The following NRG1 variants were observed in gnomAD, a reference collection of about 807,000 sequenced individuals.
The protein encoded by NRG1 is pro-neuregulin-1, membrane-bound isoform.
In NRG1, 18 loss-of-function variants were observed where a neutral mutation model predicts 63.8. The ratio of observed to expected loss-of-function variants is 0.28; its 90% CI spans 0.19 to 0.42. NRG1 has a LOEUF of 0.42. Among genes scored for constraint, NRG1 ranks in the 10% least tolerant of loss-of-function variants. NRG1 has a pLI of 1.00. For missense variants in NRG1, 762 were observed against 814.7 expected, an observed-to-expected ratio of 0.94 and a Z score of 0.79; for synonymous variants, 302 against 301.3, an observed-to-expected ratio of 1.00 and a Z score of -0.02.
chr8:31,887,818 A>G (rs1242763851), intron 1 of NRG1, among the ~76,000 whole-genome samples: 1 of 152,054 alleles, frequency 6.6e-6, no homozygotes, highest in African/African-American at 2.4e-5. Context: ...TTAAATTACA[A>G]TATACAGAAT....
chr8:32,427,117 G>T (rs913994327), intron 1 of NRG1, among the ~76,000 whole-genome samples: 4 of 151,680 alleles, frequency 2.6e-5, no homozygotes, highest in Admixed American at 2.6e-4. Context: ...ATCCAGAATT[G>T]TAAGTCATCA....
At chr8:32,517,806 G>C (rs1304779868) in intron 1 of NRG1, among the ~76,000 whole-genome samples, 1 of 152,092 alleles carries the variant, frequency 6.6e-6, no homozygotes, top group Non-Finnish European at 1.5e-5. Context: ...TCTTTAATTT[G>C]CAGTACTTTC....
intron 1 of NRG1, among the ~76,000 whole-genome samples, chr8:31,714,819 T>G (rs1299177999): frequency 1.3e-5 from 2 of 152,158 alleles, no homozygotes; most frequent in Admixed American, 6.6e-5. Context: ...TTTGCAAAAC[T>G]GACATCCATA....
At chr8:32,457,113 C>T (rs942070373) in intron 1 of NRG1, among the ~76,000 whole-genome samples, 14 of 152,172 alleles carry the variant, frequency 9.2e-5, no homozygotes, top group Middle Eastern at 3.4e-3. Flanking sequence ...GCCTAAGTGA[C>T]GGAGTGAGAC....
chr8:31,799,741 C>T (rs746426798), intron 1 of NRG1, among the ~76,000 whole-genome samples: 2 of 151,852 alleles, frequency 1.3e-5, no homozygotes, highest in Middle Eastern at 3.2e-3. Flanking sequence ...GATATATGTA[C>T]GCCTGTATAT....
intron 1 of NRG1, among the ~76,000 whole-genome samples, chr8:31,844,414 C>T (rs1037003879): frequency 3.3e-5 from 5 of 152,154 alleles, no homozygotes; most frequent in African/African-American, 4.8e-5. Flanking sequence ...TTGCTTCCTT[C>T]ATTATAAAAT....
At chr8:32,211,479 C>T (rs1844698466) in intron 1 of NRG1, among the ~76,000 whole-genome samples, 1 of 152,128 alleles carries the variant, frequency 6.6e-6, no homozygotes, top group Non-Finnish European at 1.5e-5. Flanking sequence ...TAATAGACAT[C>T]ATCATTATCC....
chr8:31,940,496 G>C (rs1418462168), intron 1 of NRG1, among the ~76,000 whole-genome samples: 1 of 151,838 alleles, frequency 6.6e-6, no homozygotes, highest in Admixed American at 6.6e-5. Flanking sequence ...CATGGAACTA[G>C]AGAAAAAAGA....
At chr8:31,907,901 T>G (rs1832657453) in intron 1 of NRG1, among the ~76,000 whole-genome samples, 1 of 152,166 alleles carries the variant, frequency 6.6e-6, no homozygotes, top group African/African-American at 2.4e-5. Flanking sequence ...ACTGTATGCC[T>G]TCTTCTTTTT....
intron 1 of NRG1, among the ~76,000 whole-genome samples, chr8:31,789,922 A>C (rs546894840): frequency 1.3e-5 from 2 of 152,338 alleles, no homozygotes; most frequent in South Asian, 2.1e-4. Context: ...AAACAGATTA[A>C]TATCATTTTA....
In NRG1 at chr8:32,088,946, A is replaced by G. The variant is rs76147535; in HGVS notation, c.37+449515A>G. Among the ~76,000 whole-genome samples, 41 of 152,270 alleles carry G rather than the reference A, an allele frequency of 2.7e-4. No individual in the cohort carries two copies. In the East Asian group the frequency reaches 7.1e-3, roughly 27 times the overall value. Reference sequence around the variant, plus strand: ...TCAAGTATTTTAAAGCCTGCTTCACATTTCTTGTTACTAAGCTGCACTGCC... The same window carrying G: ...TCAAGTATTTTAAAGCCTGCTTCACGTTTCTTGTTACTAAGCTGCACTGCC... On this transcript the variant is annotated intron_variant, in intron 1 of 10. Transcript: ENST00000519301.
chr8:31,865,836 G>A (rs533215751), intron 1 of NRG1, among the ~76,000 whole-genome samples: 1 of 152,258 alleles, frequency 6.6e-6, no homozygotes, highest in African/African-American at 2.4e-5. Flanking sequence ...TTGGAAAAAT[G>A]ATTTGTTTAG....
intron 1 of NRG1, among the ~76,000 whole-genome samples, chr8:32,415,771 A>G (rs1034846477): frequency 6.6e-5 from 10 of 151,968 alleles, no homozygotes; most frequent in Non-Finnish European, 2.9e-5. Context: ...CTTTTTACTC[A>G]ATTCATTCCC....
At chr8:32,330,005 TA>T (rs1232660517) in intron 1 of NRG1, among the ~76,000 whole-genome samples, 2 of 122,392 alleles carry the variant, frequency 1.6e-5, no homozygotes, top group East Asian at 4.9e-4. Context: ...CTCCTGAAGC[TA>T]GAACTACAGG....
chr8:32,153,730 G>A (rs1251374718), intron 1 of NRG1, among the ~76,000 whole-genome samples: 2 of 152,170 alleles, frequency 1.3e-5, no homozygotes, highest in Non-Finnish European at 2.9e-5. Flanking sequence ...TCAGAGGGTG[G>A]CAAGGTTAGA....
intron 1 of NRG1, among the ~76,000 whole-genome samples, chr8:31,810,282 T>C (rs1486534843): frequency 6.6e-6 from 1 of 152,112 alleles, no homozygotes; most frequent in Non-Finnish European, 1.5e-5. Context: ...TCACCCTATG[T>C]TTATTATGTA....
At chr8:32,727,479 A>G (rs909442991) in intron 5 of NRG1, among the ~76,000 whole-genome samples, 1 of 152,212 alleles carries the variant, frequency 6.6e-6, no homozygotes, top group African/African-American at 2.4e-5. Context: ...TTTTCAATAT[A>G]TACATCATGT....
chr8:32,675,280 G>A (rs2466080), intron 5 of NRG1, among the ~76,000 whole-genome samples: 147,251 of 152,332 alleles, frequency 0.97, 71,379 homozygotes, highest in East Asian at 1. Flanking sequence ...TTGCACTGAC[G>A]AAGAACATTC....
chr8:31,879,808 T>A (rs1830208009), intron 1 of NRG1, among the ~76,000 whole-genome samples: 1 of 152,156 alleles, frequency 6.6e-6, no homozygotes, highest in South Asian at 2.1e-4. Context: ...GAACATGCAG[T>A]ATTTGGTTTT....
Sources: allele counts gnomAD v4.1 joint callset (sites outside exome capture counted in the v4.1 genomes callset), GRCh38; gene constraint gnomAD v4.1.1; transcripts MANE v1.5; gene names NCBI Gene and HGNC (gene_info 2026-07-23, HGNC 2026-07-21).